The following FBXO3 variants were observed in gnomAD, a reference collection of about 807,000 sequenced individuals.
The protein encoded by FBXO3 is F-box only protein 3.
A neutral mutation model predicts 64.8 loss-of-function variants in FBXO3; 17 were observed. That is an observed-to-expected ratio of 0.26 (90% CI 0.18 to 0.39). FBXO3 has a LOEUF of 0.39. FBXO3 is among the 10% of genes least tolerant of loss of function. The pLI, the probability that FBXO3 is intolerant of heterozygous loss-of-function variation, is 1.00. For synonymous variants in FBXO3, 182 were observed against 201.6 expected (o/e 0.90, Z 0.82); for missense variants, 420 against 589.9 (o/e 0.71, Z 2.98).
chr11:33,754,730 C>T (rs1414130945), intron 5 of FBXO3, among the ~76,000 whole-genome samples: 1 of 152,072 alleles, frequency 6.6e-6, no homozygotes, highest in African/African-American at 2.4e-5. Flanking sequence ...AAGCTACCAT[C>T]CTACAACCTT....
In FBXO3 at chr11:33,758,544, G is replaced by A. The variant is rs2133609382; in HGVS notation, c.416C>T (p.Pro139Leu). ...AVEAQIGCKL[P>L]DDYRCSYRIH... ...TCGGTATGAACATCGATAATCGTCA[G>A]GAAGCTTGCAGCCAATCTGCGCTTC... Residue 139 changes from proline (P) to leucine (L), a missense_variant, in exon 4 of 11, where the codon CCT becomes CTT. Transcript: ENST00000265651. 6.2e-7 allele frequency: 1 copy of A among 1,609,578 alleles called. No homozygotes were observed. Among genetic ancestry groups the A allele is most frequent in the Non-Finnish European group, 8.5e-7 (1 of 1,176,758 alleles).
intron 6 of FBXO3, among the ~76,000 whole-genome samples, chr11:33,752,203 C>A (rs1222924874): frequency 1.3e-5 from 2 of 152,136 alleles, no homozygotes; most frequent in Non-Finnish European, 2.9e-5. Flanking sequence ...GTGACCAGCT[C>A]AAAGCAGAAA....
intron 5 of FBXO3, among the ~76,000 whole-genome samples, chr11:33,755,264 T>A (rs1250399609): frequency 6.6e-6 from 1 of 152,212 alleles, no homozygotes; most frequent in Non-Finnish European, 1.5e-5. Context: ...ACTGAGAAAT[T>A]ACTGATAACT....
At position 33,754,483 on chromosome 11, in the gene FBXO3, A is replaced by G; in HGVS notation, c.696T>C (p.Asn232=). ...FYQCPDQMAR[N]PAAIDMFIIG... ...TAATAAACATGTCAATAGCAGCTGG[A>G]TTTCGAGCCATTTGGTCCTAGGTGA... The change falls in exon 6 of 11, where the codon AAT becomes AAC. Residue 232 remains asparagine, a synonymous_variant. Coordinates refer to ENST00000265651, the MANE Select transcript of FBXO3 (RefSeq NM_012175.4). 1 of 1,583,582 alleles carries G rather than the reference A, an allele frequency of 6.3e-7. No homozygotes were observed. The highest frequency in any genetic ancestry group is 1.7e-4 in the Middle Eastern group (1 of 5,944).
chr11:33,756,835 T>C lies in FBXO3; in HGVS notation c.474-860A>G, dbSNP rs574827370. On this transcript the variant is annotated intron_variant, in intron 4 of 10. Coordinates refer to ENST00000265651, the MANE Select transcript of FBXO3 (RefSeq NM_012175.4). ...GCCTCAGACTCCTGGGCTCAAGAGA[T>C]CCACAGCTCCTGAGTAGCTGGAGCT... Among the ~76,000 whole-genome samples, 8 of 152,228 alleles carry C rather than the reference T, an allele frequency of 5.3e-5. No homozygotes were observed. The South Asian group carries it at 1.7e-3, about 32-fold the overall frequency.
rs1346835818 is a variant in FBXO3 at position 33,741,029 on chromosome 11, A to G, written c.*879T>C. 1 of 152,654 alleles carries G rather than the reference A, an allele frequency of 6.6e-6. No homozygotes were observed. Among genetic ancestry groups the G allele is most frequent in the East Asian group, 1.9e-4 (1 of 5,200 alleles). 9.5% of individuals were successfully genotyped at this position (152,654 alleles called of 1,614,324 possible). On this transcript the variant is annotated 3_prime_UTR_variant, in exon 11 of 11. Coordinates refer to ENST00000265651, the MANE Select transcript of FBXO3 (RefSeq NM_012175.4). ...ACTCTCAATTATATAATTACAAAAA[A>G]AATCCAAGTTTCAGGAAAACATACT...
At chr11:33,770,853 A>G (rs751908316) in intron 1 of FBXO3, 23 bp from the exon 2 acceptor site, 8 of 1,530,574 alleles carry the variant, frequency 5.2e-6, no homozygotes, top group East Asian at 4.5e-5. Context: ...AGATTCACCG[A>G]TAGTATTTAA....
At chr11:33,742,345 T>A in intron 10 of FBXO3, 2 of 251,214 alleles carry the variant, frequency 8.0e-6, no homozygotes, top group Non-Finnish European at 1.5e-5. Context: ...AATTATTATT[T>A]TTTCTTAGAG....
At chr11:33,760,384 T>C (rs934107099) in intron 3 of FBXO3, among the ~76,000 whole-genome samples, 2 of 152,086 alleles carry the variant, frequency 1.3e-5, no homozygotes, top group Admixed American at 6.6e-5. Flanking sequence ...GGCTCATGCA[T>C]GTAATCCCAG....
intron 3 of FBXO3, among the ~76,000 whole-genome samples, chr11:33,759,162 G>A (rs1179867704): frequency 6.6e-6 from 1 of 152,178 alleles, no homozygotes; most frequent in Non-Finnish European, 1.5e-5. Flanking sequence ...AGCCCACCAG[G>A]TTGTTGGACT....
At chr11:33,760,099 G>T (rs2133611436) in intron 3 of FBXO3, among the ~76,000 whole-genome samples, 1 of 152,302 alleles carries the variant, frequency 6.6e-6, no homozygotes, top group African/African-American at 2.4e-5. Context: ...AAAGCAGAAT[G>T]AAGTAGAAGC....
intron 3 of FBXO3, chr11:33,767,730 G>A (rs939823670): frequency 5.3e-5 from 8 of 152,192 alleles, no homozygotes; most frequent in African/African-American, 1.9e-4. Context: ...CTAGCTTTGT[G>A]TTTAATTAAT....
At chr11:33,758,884 A>C (rs1303932369) in intron 3 of FBXO3, among the ~76,000 whole-genome samples, 1 of 152,068 alleles carries the variant, frequency 6.6e-6, no homozygotes, top group Admixed American at 6.6e-5. Flanking sequence ...ACAAACCTCT[A>C]AATTTCCTAA....
At chr11:33,753,631 G>T (rs1042805300) in intron 6 of FBXO3, 3 of 152,220 alleles carry the variant, frequency 2.0e-5, no homozygotes, top group African/African-American at 7.2e-5. Context: ...AGGTAAGAGT[G>T]AGATCTTGAT....
chr11:33,762,789 AAAAC>A, intron 3 of FBXO3, among the ~76,000 whole-genome samples: 1 of 152,220 alleles, frequency 6.6e-6, no homozygotes, highest in East Asian at 1.9e-4. Flanking sequence ...AATGAAATAA[AAAAC>A]AAACATACAG....
At chr11:33,759,349 G>A (rs1855187588) in intron 3 of FBXO3, among the ~76,000 whole-genome samples, 1 of 152,188 alleles carries the variant, frequency 6.6e-6, no homozygotes, top group Non-Finnish European at 1.5e-5. Context: ...ATGAGGTTGA[G>A]TGGCCAAGAA....
Position 33,754,854 on chromosome 11 carries a change from T to C in FBXO3, c.679-354A>G, listed in dbSNP as rs1381895520. On this transcript the variant is annotated intron_variant, in intron 5 of 10. Transcript: ENST00000265651. ...GTTATATAGAGTCACATGTCTCAACTATGAAAAGCATTTTCTTTTTTTTTT... is the reference window on the plus strand; with the variant it reads ...GTTATATAGAGTCACATGTCTCAACCATGAAAAGCATTTTCTTTTTTTTTT... Among the ~76,000 whole-genome samples, 4 of 147,528 alleles carry C rather than the reference T, an allele frequency of 2.7e-5. No homozygotes were observed. In the Admixed American group the frequency reaches 2.8e-4, roughly 10 times the overall value.
chr11:33,763,626 C>CAAAA (rs33923647), intron 3 of FBXO3, among the ~76,000 whole-genome samples: 3 of 102,996 alleles, frequency 2.9e-5, no homozygotes, highest in Non-Finnish European at 3.9e-5. Flanking sequence ...AGAATATCTA[C>CAAAA]AAAAAAAAAA....
chr11:33,754,224 A>C (rs955532083), intron 6 of FBXO3: 4 of 412,544 alleles, frequency 9.7e-6, no homozygotes, highest in Non-Finnish European at 1.3e-5. Flanking sequence ...AAGAGTCCTC[A>C]GAGCATGAGA....
Sources: gnomAD v4.1 joint callset for allele counts (sites outside exome capture counted in the v4.1 genomes callset) on GRCh38, gnomAD v4.1.1 for gene constraint, MANE v1.5 for transcripts, NCBI Gene and HGNC (gene_info 2026-07-23, HGNC 2026-07-21) for gene names.